Variants in TSKS observed in about 807,000 individuals in gnomAD.
TSKS encodes the protein testis-specific serine kinase substrate.
A neutral mutation model predicts 68.0 loss-of-function variants in TSKS; 27 were observed. The observed-to-expected ratio is 0.40, with a 90% confidence interval of 0.29 to 0.55. The LOEUF (loss-of-function observed/expected upper bound fraction) is 0.55. Among genes scored for constraint, TSKS ranks in the 20% least tolerant of loss-of-function variants. The pLI is 0.53. For missense variants in TSKS, 806 were observed against 776.0 expected (o/e 1.04, Z -0.46); for synonymous variants, 331 against 340.4 (o/e 0.97, Z 0.30).
At chr19:49,742,220 C>T (rs1461163009) in intron 8 of TSKS, among the ~76,000 whole-genome samples, 200 bp from the exon 9 acceptor site, 1 of 151,502 alleles carries the variant, frequency 6.6e-6, no homozygotes, top group African/African-American at 2.4e-5. Context: ...TTTTTTGAGA[C>T]GGAGTCTGGC....
intron 9 of TSKS, among the ~76,000 whole-genome samples, chr19:49,741,281 G>A (rs937494986): frequency 1.3e-5 from 2 of 152,084 alleles, no homozygotes; most frequent in Admixed American, 6.6e-5. Flanking sequence ...CCTATAGCTC[G>A]GCCACATCAA....
chr19:49,762,162 T>C lies in TSKS; in HGVS notation c.241A>G (p.Asn81Asp), dbSNP rs2084447679. The change falls in exon 2 of 11, where the codon AAC becomes GAC. Residue 81 changes from asparagine to aspartate, a missense_variant. Asn to Asp is a conservative substitution (Grantham distance 23). Transcript: ENST00000246801. ...LNLKRSSACT[N>D]VSLLNLAAME... ...GCGGCCAGGTTGAGCAGTGACACGT[T>C]GGTGCAGGCCGAGGACCGTTTGAGG... 1.2e-6 allele frequency: 2 copies of C among 1,614,014 alleles called. No individual in the cohort carries two copies. The highest frequency in any genetic ancestry group is 2.2e-5 in the South Asian group (2 of 91,092).
intron 5 of TSKS, 152 bp from the exon 6 acceptor site, chr19:49,746,950 AG>A: frequency 7.1e-7 from 1 of 1,412,400 alleles, no homozygotes. Context: ...GTCATTAGGG[AG>A]GGGAGGCACC....
chr19:49,746,678 G>C lies in TSKS; in HGVS notation c.784C>G (p.Gln262Glu), dbSNP rs2084304551. The change falls in exon 6 of 11, where the codon CAG (glutamine) becomes GAG (glutamate). Residue 262 changes from glutamine (Q) to glutamate (E), a missense_variant. Coordinates refer to ENST00000246801, the MANE Select transcript of TSKS (RefSeq NM_021733.2). ...CAGGAGAGGCCAGCCTCCGGCTTCT[G>C]CTTCTCCTCCGGCTCCTGCTTCTCC... is the stretch of plus-strand genomic sequence containing the variant. ...PEEKQEPEEK[Q>E]KPEAGLSWNS... 2.3e-6 allele frequency: 3 copies of C among 1,297,318 alleles called. No individual in the cohort carries two copies. The highest frequency in any genetic ancestry group is 2.7e-5 in the South Asian group (2 of 74,260). 80.4% of individuals were successfully genotyped at this position (1,297,318 alleles called of 1,614,324 possible). A position where few individuals can be genotyped will look rare whatever the true frequency, so the allele number is the denominator to read the frequency against.
Position 49,763,044 on chromosome 19 carries a change from T to C in TSKS, c.170+34A>G. On this transcript the variant is annotated intron_variant, in intron 1 of 10. Coordinates refer to ENST00000246801, the MANE Select transcript of TSKS (RefSeq NM_021733.2). The surrounding 1 kb of genome is among the most constrained non-coding windows in gnomAD (Gnocchi z 4.5). Reference sequence around the variant, plus strand: ...CTCTGTTGGAGGTAGTGCTGGGCATTAGAACCATCCCTGACAGTGTGCAAC... The same window carrying C: ...CTCTGTTGGAGGTAGTGCTGGGCATCAGAACCATCCCTGACAGTGTGCAAC... The C allele has an allele frequency of 2.5e-6, 4 of 1,596,034 alleles. No homozygotes were observed. The highest frequency in any genetic ancestry group is 2.6e-6 in the Non-Finnish European group (3 of 1,171,428).
At chr19:49,749,813 C>T (rs1384517056) in intron 2 of TSKS, among the ~76,000 whole-genome samples, 2 of 152,098 alleles carry the variant, frequency 1.3e-5, no homozygotes, top group South Asian at 2.1e-4. Context: ...GTTCTCACTA[C>T]GTTACCCAAG....
chr19:49,761,669 T>C (rs930532368), intron 2 of TSKS, among the ~76,000 whole-genome samples: 3 of 152,040 alleles, frequency 2.0e-5, no homozygotes, highest in Non-Finnish European at 4.4e-5. Context: ...CTGTGTGAAC[T>C]GAAGACCACC....
At chr19:49,749,718 C>T (rs957408759) in intron 2 of TSKS, among the ~76,000 whole-genome samples, 1 of 152,100 alleles carries the variant, frequency 6.6e-6, no homozygotes, top group African/African-American at 2.4e-5. Context: ...TGAAATGATC[C>T]TCTTGCCTCA....
intron 9 of TSKS, 58 bp downstream of exon 9, chr19:49,741,827 C>T: frequency 6.2e-7 from 1 of 1,611,008 alleles, no homozygotes; most frequent in South Asian, 1.1e-5. Flanking sequence ...CGGGGTTCCC[C>T]TCCCCTTGCC....
chr19:49,754,224 C>T (rs1235634418), intron 2 of TSKS, among the ~76,000 whole-genome samples: 8 of 150,652 alleles, frequency 5.3e-5, no homozygotes, highest in Admixed American at 4.6e-4. Context: ...TCAGGCCAGG[C>T]ACGGTGGCTC....
chr19:49,747,463 A>C lies in TSKS; in HGVS notation c.589T>G (p.Trp197Gly). ...TCTTCCACAGACCGGGTCACCTTCC[A>C]GCAGTTCTCCTGGGTCAGACACCAG... ...GYCIQLKENC[W>G]KVTRSVEDAE... The change falls in exon 5 of 11, where the codon TGG becomes GGG. Residue 197 changes from tryptophan to glycine, a missense_variant. Transcript: ENST00000246801. 6.2e-7 allele frequency: 1 copy of C among 1,614,202 alleles called. No homozygotes were observed. Among genetic ancestry groups the C allele is most frequent in the Non-Finnish European group, 8.5e-7 (1 of 1,180,034 alleles).
intron 8 of TSKS, among the ~76,000 whole-genome samples, chr19:49,742,611 C>T (rs1328764173): frequency 6.6e-6 from 1 of 151,388 alleles, no homozygotes; most frequent in Non-Finnish European, 1.5e-5. Flanking sequence ...GATTCTCCTG[C>T]CTCAGCCTCC....
chr19:49,760,637 A>T (rs866416581), intron 2 of TSKS, among the ~76,000 whole-genome samples: 26 of 151,532 alleles, frequency 1.7e-4, no homozygotes, highest in East Asian at 5.8e-4. Context: ...CCTACAAAAA[A>T]TTTTTTTTTA....
rs777419806 is a variant in TSKS at position 49,739,808 on chromosome 19, G to T, written c.1747C>A (p.Pro583Thr). ...TCAGGGGCTGAGCCCCCCTGTTTTG[G>T]GGGGGTTCCTGCACTGCTGCCTCCC... ...MGGGSSAGTP[P>T]KQGGSAPEQ The change falls in exon 11 of 11, where the codon CCA becomes ACA. Residue 583 changes from proline to threonine, a missense_variant. Physicochemically the swap from Pro to Thr is conservative, Grantham distance 38. Transcript: ENST00000246801. 2 of 1,576,798 alleles carry T rather than the reference G, an allele frequency of 1.3e-6. No homozygotes were observed. The highest frequency in any genetic ancestry group is 1.1e-5 in the South Asian group (1 of 90,138).
At chr19:49,761,025 G>A (rs2084436246) in intron 2 of TSKS, among the ~76,000 whole-genome samples, 1 of 152,148 alleles carries the variant, frequency 6.6e-6, no homozygotes, top group Non-Finnish European at 1.5e-5. Flanking sequence ...CCGGGAAGCA[G>A]AGGTTGCTGT....
intron 2 of TSKS, 30 bp from the exon 3 acceptor site, chr19:49,748,499 G>C (rs1276750683): frequency 1.9e-6 from 3 of 1,598,236 alleles, no homozygotes; most frequent in Admixed American, 1.7e-5. Context: ...AGGTGAGTTA[G>C]TGGGTATGTG....
rs746884130 is a variant in TSKS, at chr19:49,745,349, G to A, written c.1040C>T (p.Ala347Val). 5 of 1,595,012 alleles carry A rather than the reference G, an allele frequency of 3.1e-6. No individual in the cohort carries two copies. The highest frequency in any genetic ancestry group is 1.3e-5 in the African/African-American group (1 of 74,666). Reference protein sequence around the residue: ...LTARWHQEEGAVQEALRLLGG... With the variant: ...LTARWHQEEGVVQEALRLLGG... The stretch of plus-strand genomic sequence containing the variant: ...GAGCAGCCGCAGGGCTTCCTGCACC[G>A]CCCCCTCCTCCTGATGCCACCGGGC... The change falls in exon 7 of 11, where the codon GCG becomes GTG. Residue 347 changes from alanine (A) to valine (V), a missense_variant. Transcript: ENST00000246801.
At chr19:49,753,029 A>G (rs955235654) in intron 2 of TSKS, among the ~76,000 whole-genome samples, 2 of 152,276 alleles carry the variant, frequency 1.3e-5, no homozygotes, top group East Asian at 1.9e-4. Flanking sequence ...TGTCTCTCCA[A>G]TCATTAGCTA....
At position 49,762,227 on chromosome 19, in the gene TSKS, T is replaced by C. The variant is rs760468104; in HGVS notation, c.176A>G (p.Glu59Gly). ...CATGGGCTGATGGGACATCTGGGGC[T>C]CCACCCTGCAGAGAAGAAACAGGCA... is the stretch of plus-strand genomic sequence containing the variant. ...KKKAVSFHGV[E>G]PQMSHQPMHW... Residue 59 changes from glutamate to glycine, a missense_variant, in exon 2 of 11, where the codon GAG (glutamate) becomes GGG (glycine). Glu to Gly is a moderately conservative substitution (Grantham distance 98). Coordinates refer to ENST00000246801, the MANE Select transcript of TSKS (RefSeq NM_021733.2). The C allele has an allele frequency of 6.2e-7, 1 of 1,613,584 alleles. No homozygotes were observed. The highest frequency in any genetic ancestry group is 8.5e-7 in the Non-Finnish European group (1 of 1,179,840).
Sources: gnomAD v4.1 joint callset for allele counts (sites outside exome capture counted in the v4.1 genomes callset) on GRCh38, gnomAD v4.1.1 for gene constraint, Gnocchi (gnomAD v3.1) non-coding constraint, MANE v1.5 for transcripts, NCBI Gene and HGNC (gene_info 2026-07-23, HGNC 2026-07-21) for gene names.